Variants in CYRIA observed in about 807,000 individuals in gnomAD.
CYRIA encodes CYFIP-related Rac1 interactor A.
A neutral mutation model predicts 43.9 loss-of-function variants in CYRIA; 15 were observed. That is an observed-to-expected ratio of 0.34 (90% CI 0.23 to 0.53). The LOEUF is 0.53. CYRIA is among the 20% of genes least tolerant of loss of function. The pLI is 0.94. For missense variants in CYRIA, 236 were observed against 394.2 expected (o/e 0.60, Z 3.40); for synonymous variants, 117 against 136.0 (o/e 0.86, Z 0.97).
At chr2:16,590,095 CAG>C (rs1667871519) in intron 2 of CYRIA, among the ~76,000 whole-genome samples, 2 of 149,382 alleles carry the variant, frequency 1.3e-5, no homozygotes, top group South Asian at 2.1e-4. Flanking sequence ...CACACACACA[CAG>C]GAAAGCAAAC....
intron 1 of CYRIA, among the ~76,000 whole-genome samples, chr2:16,652,954 A>T (rs1048616853): frequency 6.6e-6 from 1 of 152,214 alleles, no homozygotes; most frequent in Non-Finnish European, 1.5e-5. Context: ...TCCAATGTTT[A>T]TTTAAAAAAA....
intron 11 of CYRIA, 23 bp downstream of exon 11, chr2:16,555,046 G>A (rs1049218959): frequency 3.7e-5 from 59 of 1,604,728 alleles, no homozygotes; most frequent in Non-Finnish European, 5.0e-5. Context: ...TTCCCTGTGA[G>A]CTGACACAGG....
At chr2:16,648,685 C>T (rs1412431974) in intron 1 of CYRIA, among the ~76,000 whole-genome samples, 1 of 152,074 alleles carries the variant, frequency 6.6e-6, no homozygotes, top group Non-Finnish European at 1.5e-5. Context: ...TCTTGGGTTC[C>T]CAGATTATTG....
chr2:16,604,963 G>A (rs766314174), intron 2 of CYRIA, among the ~76,000 whole-genome samples: 10 of 152,206 alleles, frequency 6.6e-5, no homozygotes, highest in Non-Finnish European at 1.3e-4. Context: ...GCTAAAGTGT[G>A]TTTTCAAAAC....
rs201907701 is a variant in CYRIA at position 16,593,698 on chromosome 2, GTT to G, written c.-10-5571_-10-5570del. On this transcript the variant is annotated intron_variant, in intron 2 of 11. Coordinates refer to ENST00000381323, the MANE Select transcript of CYRIA (RefSeq NM_030797.4). ...TAACTTTATTTTTTTGTGTGTGTGT[GTT>G]TTTTTTTGTGTGTGTGTGTTTTTTT... Among the ~76,000 whole-genome samples, 604 of 81,962 alleles carry G rather than the reference GTT, an allele frequency of 7.4e-3. 13 individuals carry two copies. Among genetic ancestry groups the G allele is most frequent in the Middle Eastern group, 0.017 (2 of 118 alleles). 53.8% of individuals were successfully genotyped at this position (81,962 alleles called of 152,430 possible). A position where few individuals can be genotyped will look rare whatever the true frequency, so the allele number is the denominator to read the frequency against.
At chr2:16,601,055 G>A (rs1001859014) in intron 2 of CYRIA, among the ~76,000 whole-genome samples, 2 of 152,144 alleles carry the variant, frequency 1.3e-5, no homozygotes, top group African/African-American at 4.8e-5. Context: ...GTGCTGTATT[G>A]TTGAATGAAC....
intron 3 of CYRIA, among the ~76,000 whole-genome samples, chr2:16,577,242 TA>T (rs771164417): frequency 6.6e-6 from 1 of 152,076 alleles, no homozygotes; most frequent in African/African-American, 2.4e-5. Context: ...CTTATTAAGG[TA>T]AAAAAACCTA....
chr2:16,588,165 A>T, intron 2 of CYRIA, 36 bp from the exon 3 acceptor site: 1 of 1,389,828 alleles, frequency 7.2e-7, no homozygotes, highest in African/African-American at 1.5e-5. Context: ...TACCATTAGC[A>T]ACATAAAAAA....
chr2:16,663,898 C>G (rs1670326082), intron 1 of CYRIA, among the ~76,000 whole-genome samples: 2 of 152,026 alleles, frequency 1.3e-5, no homozygotes, highest in African/African-American at 4.8e-5. Flanking sequence ...GACCAGGGAG[C>G]CCAACAGAGA....
chr2:16,567,876 T>C lies in CYRIA; in HGVS notation c.71-2109A>G, dbSNP rs139971680. Among the ~76,000 whole-genome samples the C allele has an allele frequency of 3.3e-5, 5 of 152,068 alleles. No individual in the cohort carries two copies. The East Asian group carries it at 9.7e-4, about 30-fold the overall frequency. ...TCTGGAAAGAGTGGAAACAGTTACA[T>C]GTAAGGGATATAACTTGAGCTGGGG... On this transcript the variant is annotated intron_variant, in intron 3 of 11. Transcript: ENST00000381323.
At chr2:16,625,943 C>A (rs1290082532) in intron 1 of CYRIA, among the ~76,000 whole-genome samples, 1 of 151,886 alleles carries the variant, frequency 6.6e-6, no homozygotes, top group South Asian at 2.1e-4. Flanking sequence ...TTTTCCACCA[C>A]AAAACCAAGA....
chr2:16,568,205 T>C (rs1467070336), intron 3 of CYRIA, among the ~76,000 whole-genome samples: 3 of 118,000 alleles, frequency 2.5e-5, no homozygotes, highest in African/African-American at 1.0e-4. Flanking sequence ...CTGGTAAGTA[T>C]AATGCAACTA....
intron 3 of CYRIA, among the ~76,000 whole-genome samples, chr2:16,567,406 A>AAAC (rs982068440): frequency 1.5e-4 from 23 of 152,210 alleles, no homozygotes; most frequent in East Asian, 5.8e-4. Flanking sequence ...CCATCTCAAA[A>AAAC]AACAACAACA....
Position 16,639,972 on chromosome 2 carries a change from A to G in CYRIA, c.-166-15953T>C, listed in dbSNP as rs543901083. ...TTCCCTTTAAGAGCTTTTTTATTTT[A>G]TTTTTTATCTTTTAAATTGAAGAGG... On this transcript the variant is annotated intron_variant, in intron 1 of 11. Coordinates refer to ENST00000381323, the MANE Select transcript of CYRIA (RefSeq NM_030797.4). Among the ~76,000 whole-genome samples, 3 of 152,036 alleles carry G rather than the reference A, an allele frequency of 2.0e-5. No individual in the cohort carries two copies. The South Asian group carries it at 6.2e-4, about 32-fold the overall frequency.
At chr2:16,624,081 A>T (rs571025226) in intron 1 of CYRIA, 62 bp from the exon 2 acceptor site, 1 of 152,248 alleles carries the variant, frequency 6.6e-6, no homozygotes, top group Non-Finnish European at 1.5e-5. Flanking sequence ...CACTAGTCAC[A>T]ATGTATTTTT....
At chr2:16,556,581 G>T (rs1395453123) in intron 10 of CYRIA, among the ~76,000 whole-genome samples, 1 of 152,196 alleles carries the variant, frequency 6.6e-6, no homozygotes, top group Admixed American at 6.5e-5. Context: ...CAAGGATGCA[G>T]TTGGGGCCAG....
At chr2:16,553,775 G>T (rs886235569) in intron 11 of CYRIA, among the ~76,000 whole-genome samples, 1 of 152,086 alleles carries the variant, frequency 6.6e-6, no homozygotes, top group Non-Finnish European at 1.5e-5. Context: ...GTGCCTCCAG[G>T]AGGTACAAAT....
intron 2 of CYRIA, 21 bp from the exon 3 acceptor site, chr2:16,588,150 C>A (rs898659422): frequency 6.7e-7 from 1 of 1,501,420 alleles, no homozygotes; most frequent in Middle Eastern, 1.7e-4. Context: ...CAACACAAAA[C>A]CAAATACCAT....
chr2:16,565,295 G>A (rs1666886787), intron 4 of CYRIA, among the ~76,000 whole-genome samples: 1 of 151,298 alleles, frequency 6.6e-6, no homozygotes, highest in Non-Finnish European at 1.5e-5. Flanking sequence ...TGATTCTCCT[G>A]CTTCAGCCTC....
Sources: gnomAD v4.1 joint callset for allele counts (sites outside exome capture counted in the v4.1 genomes callset) on GRCh38, gnomAD v4.1.1 for gene constraint, MANE v1.5 for transcripts, NCBI Gene and HGNC (gene_info 2026-07-23, HGNC 2026-07-21) for gene names.